KLHL29: variants seen among roughly 807,000 people sequenced by gnomAD.
The protein encoded by KLHL29 is kelch like family member 29.
A neutral mutation model predicts 80.4 loss-of-function variants in KLHL29; 21 were observed. The observed-to-expected ratio is 0.26, with a 90% CI of 0.19 to 0.38. The LOEUF (loss-of-function observed/expected upper bound fraction) is 0.38. KLHL29 is among the 10% of genes least tolerant of loss of function. The pLI is 1.00. For synonymous variants in KLHL29, 511 were observed against 526.8 expected, an observed-to-expected ratio of 0.97 and a Z score of 0.41; for missense variants, 867 against 1,223.9, an observed-to-expected ratio of 0.71 and a Z score of 4.35.
At chr2:23,581,878 GTTT>G (rs1667993607) in intron 3 of KLHL29, among the ~76,000 whole-genome samples, 1 of 148,052 alleles carries the variant, frequency 6.8e-6, no homozygotes, top group Non-Finnish European at 1.5e-5. Context: ...TCATTGTGCC[GTTT>G]TTAAGTGCTG....
At chr2:23,458,077 T>G (rs940481968) in intron 1 of KLHL29, among the ~76,000 whole-genome samples, 1 of 152,094 alleles carries the variant, frequency 6.6e-6, no homozygotes, top group African/African-American at 2.4e-5. Context: ...AGCGTGAGGG[T>G]CAGCATGTCA....
At chr2:23,394,725 A>C (rs1328375976) in intron 1 of KLHL29, among the ~76,000 whole-genome samples, 1 of 152,206 alleles carries the variant, frequency 6.6e-6, no homozygotes, top group African/African-American at 2.4e-5. Context: ...TTTTCTTTTA[A>C]AGTGTGAAAT....
At chr2:23,574,502 G>A (rs551719615) in intron 3 of KLHL29, among the ~76,000 whole-genome samples, 20 of 152,280 alleles carry the variant, frequency 1.3e-4, no homozygotes, top group Admixed American at 8.5e-4. Context: ...GCCCTGGTTC[G>A]TGGAGACAAA....
chr2:23,503,393 G>A lies in KLHL29; in HGVS notation c.-46+27726G>A, dbSNP rs1665509480. On this transcript the variant is annotated intron_variant, in intron 2 of 13. Transcript: ENST00000486442. The surrounding 1 kb of genome is among the most constrained non-coding windows in gnomAD (Gnocchi z 4.0). Reference sequence around the variant, plus strand: ...CTTCCATGGCTCTATAATTCTCTTTGTTATCTTTGGCCACTTACATGTTTG... The same window carrying A: ...CTTCCATGGCTCTATAATTCTCTTTATTATCTTTGGCCACTTACATGTTTG... Among the ~76,000 whole-genome samples the A allele has an allele frequency of 6.6e-6, 1 of 152,148 alleles. No homozygotes were observed. Among genetic ancestry groups the A allele is most frequent in the Admixed American group, 6.5e-5 (1 of 15,274 alleles).
intron 1 of KLHL29, among the ~76,000 whole-genome samples, chr2:23,392,337 A>G (rs1666340187): frequency 6.6e-6 from 1 of 152,236 alleles, no homozygotes; most frequent in South Asian, 2.1e-4. Flanking sequence ...TCTGAAAAGC[A>G]TAAGACATTT....
intron 2 of KLHL29, among the ~76,000 whole-genome samples, chr2:23,490,863 C>T (rs1165041750): frequency 1.3e-5 from 2 of 152,198 alleles, no homozygotes; most frequent in African/African-American, 4.8e-5. Context: ...CAGCCCTGGG[C>T]CCATCCAGTT....
Position 23,684,489 on chromosome 2 carries a change from A to G in KLHL29, c.1031A>G (p.Gln344Arg). The change falls in exon 6 of 14, where the codon CAA (glutamine) becomes CGA (arginine). Residue 344 changes from glutamine (Q) to arginine (R), a missense_variant. By Grantham distance (43) the Gln-to-Arg change is conservative. This residue lies in a region of KLHL29 where 443 missense variants were observed against 767.0 expected (regional missense o/e 0.58). Coordinates refer to ENST00000486442, the MANE Select transcript of KLHL29 (RefSeq NM_052920.2). This position sits in a 1 kb window ranked among gnomAD's most constrained non-coding sequence, Gnocchi z 4.4. ...VVEGREFEVH[Q>R]NVLASCSLYF... ...GAAGGCAGAGAGTTTGAAGTCCACCAAAATGTTCTAGCTTCCTGCAGCTTG... is the reference window on the plus strand; with the variant it reads ...GAAGGCAGAGAGTTTGAAGTCCACCGAAATGTTCTAGCTTCCTGCAGCTTG... 6.4e-7 allele frequency: 1 copy of G among 1,551,134 alleles called. No individual in the cohort carries two copies. Among genetic ancestry groups the G allele is most frequent in the South Asian group, 1.2e-5 (1 of 83,870 alleles).
At chr2:23,588,848 C>T (rs1436220447) in intron 3 of KLHL29, among the ~76,000 whole-genome samples, 1 of 152,166 alleles carries the variant, frequency 6.6e-6, no homozygotes, top group Non-Finnish European at 1.5e-5. Context: ...AAGTCTCACC[C>T]AGAGCTCTCC....
At chr2:23,417,135 C>G (rs1163056365) in intron 1 of KLHL29, among the ~76,000 whole-genome samples, 1 of 152,132 alleles carries the variant, frequency 6.6e-6, no homozygotes, top group East Asian at 1.9e-4. Context: ...CCTCTGTCCT[C>G]TCTCTCCATT....
intron 2 of KLHL29, among the ~76,000 whole-genome samples, chr2:23,561,595 C>T (rs553312415): frequency 6.6e-6 from 1 of 152,306 alleles, no homozygotes; most frequent in Non-Finnish European, 1.5e-5. Context: ...TTCTAGTACT[C>T]GAACCTCAAG....
intron 5 of KLHL29, among the ~76,000 whole-genome samples, chr2:23,658,791 C>T (rs559593657): frequency 9.1e-4 from 138 of 152,316 alleles, no homozygotes; most frequent in Middle Eastern, 6.8e-3. Context: ...GAGCTGAAGC[C>T]ACAGCCTCAC....
intron 2 of KLHL29, among the ~76,000 whole-genome samples, chr2:23,508,513 G>A (rs1309779494): frequency 6.6e-6 from 1 of 152,252 alleles, no homozygotes; most frequent in African/African-American, 2.4e-5. Context: ...GCACACCTGT[G>A]CTCCATTCTA....
intron 5 of KLHL29, among the ~76,000 whole-genome samples, chr2:23,683,788 T>C (rs766328729): frequency 6.6e-6 from 1 of 152,126 alleles, no homozygotes; most frequent in African/African-American, 2.4e-5. Flanking sequence ...CCTTGCTTGC[T>C]TGCTTTCCCG....
At chr2:23,568,750 G>T (rs901302436) in intron 3 of KLHL29, among the ~76,000 whole-genome samples, 3 of 152,230 alleles carry the variant, frequency 2.0e-5, no homozygotes, top group Admixed American at 1.3e-4. Context: ...TCTAAGGTTG[G>T]AAAGAATTGT....
chr2:23,656,095 C>A (rs891036896), intron 5 of KLHL29, among the ~76,000 whole-genome samples: 9 of 152,202 alleles, frequency 5.9e-5, no homozygotes, highest in African/African-American at 1.9e-4. Context: ...AAGAAAGGGA[C>A]CATCTGTCCC....
At chr2:23,635,321 C>T (rs973703697) in intron 3 of KLHL29, among the ~76,000 whole-genome samples, 78 of 152,248 alleles carry the variant, frequency 5.1e-4, no homozygotes, top group African/African-American at 1.9e-3. Context: ...TCATTGCATA[C>T]CACCTGCGGC....
chr2:23,460,753 G>A (rs1028884715), intron 1 of KLHL29, among the ~76,000 whole-genome samples: 12 of 151,296 alleles, frequency 7.9e-5, no homozygotes, highest in Admixed American at 2.6e-4. Flanking sequence ...GGAGCTTCCC[G>A]TGAAGGGAGC....
Position 23,411,623 on chromosome 2 carries a change from G to A in KLHL29, c.-154+25843G>A, listed in dbSNP as rs72846856. ...CTCAGCCTCATCCATTCCCGCTGTC[G>A]GGAGATGAGACAAAAATATCCTTAT... On this transcript the variant is annotated intron_variant, in intron 1 of 13. Coordinates refer to ENST00000486442, the MANE Select transcript of KLHL29 (RefSeq NM_052920.2). Among the ~76,000 whole-genome samples the A allele has an allele frequency of 4.9e-3, 749 of 152,122 alleles. 10 individuals carry two copies. The highest frequency in any genetic ancestry group is 0.017 in the African/African-American group (704 of 41,468).
intron 5 of KLHL29, chr2:23,667,935 G>C (rs1279476109): frequency 6.6e-6 from 1 of 152,292 alleles, no homozygotes; most frequent in Non-Finnish European, 1.5e-5. Flanking sequence ...AGGCTTGCAG[G>C]CTTTTGCTTT....
Sources: gnomAD v4.1 joint callset for allele counts (sites outside exome capture counted in the v4.1 genomes callset) on GRCh38, gnomAD v4.1.1 for gene constraint, gnomAD v4.1.1 regional missense constraint, Gnocchi (gnomAD v3.1) non-coding constraint, MANE v1.5 for transcripts, NCBI Gene and HGNC (gene_info 2026-07-23, HGNC 2026-07-21) for gene names.